PCNX1: variants seen among roughly 807,000 people sequenced by gnomAD.
The protein encoded by PCNX1 is pecanex-like protein 1.
Under a neutral mutation model 242.2 loss-of-function variants are expected in PCNX1, and 78 were observed. The observed-to-expected ratio is 0.32, with a 90% CI of 0.27 to 0.39. The LOEUF (loss-of-function observed/expected upper bound fraction) is 0.39, where lower values mean the gene tolerates loss of function less well. PCNX1 is among the 10% of genes least tolerant of loss of function. The pLI is 1.00. For synonymous variants in PCNX1, 1,024 were observed against 1,032.9 expected (o/e 0.99, Z 0.17); for missense variants, 2,581 against 2,856.5 (o/e 0.90, Z 2.20).
At chr14:71,047,555 G>T (rs1476099833) in intron 21 of PCNX1, among the ~76,000 whole-genome samples, 2 of 152,008 alleles carry the variant, frequency 1.3e-5, no homozygotes, top group African/African-American at 4.8e-5. Context: ...TCAGATGTCA[G>T]AATTACAATA....
At chr14:70,993,972 T>C (rs1281434214) in intron 7 of PCNX1, among the ~76,000 whole-genome samples, 9 of 152,234 alleles carry the variant, frequency 5.9e-5, no homozygotes, top group Non-Finnish European at 1.5e-5. Context: ...TCTACAAATA[T>C]TCCAGTCTGA....
intron 16 of PCNX1, chr14:71,031,659 C>A: frequency 1.4e-6 from 1 of 692,702 alleles, no homozygotes; most frequent in South Asian, 1.5e-5. Context: ...CGTCTCTCAC[C>A]GTCAGTAGGT....
chr14:71,024,299 A>G (rs1033298793), intron 13 of PCNX1, among the ~76,000 whole-genome samples: 25 of 152,214 alleles, frequency 1.6e-4, no homozygotes, highest in Admixed American at 1.6e-3. Flanking sequence ...GTCTTCTAAT[A>G]TATAGATCTT....
At chr14:71,045,481 G>A (rs979028300) in intron 20 of PCNX1, among the ~76,000 whole-genome samples, 198 bp downstream of exon 20, 10 of 152,160 alleles carry the variant, frequency 6.6e-5, no homozygotes, top group African/African-American at 2.4e-4. Flanking sequence ...CAGTGCTACA[G>A]TGCCAGTTTT....
At chr14:71,090,116 TACTG>T (rs2062091738) in intron 30 of PCNX1, among the ~76,000 whole-genome samples, 1 of 152,238 alleles carries the variant, frequency 6.6e-6, no homozygotes, top group Admixed American at 6.5e-5. Context: ...GTGCTGCTGT[TACTG>T]AATGATGAAT....
chr14:71,053,612 C>T (rs2061101580), intron 24 of PCNX1, among the ~76,000 whole-genome samples: 1 of 152,096 alleles, frequency 6.6e-6, no homozygotes, highest in South Asian at 2.1e-4. Flanking sequence ...GCCACTGTGC[C>T]CGGCCTTATG....
intron 28 of PCNX1, among the ~76,000 whole-genome samples, chr14:71,083,318 C>T (rs144253629): frequency 4.1e-4 from 62 of 152,168 alleles, no homozygotes; most frequent in African/African-American, 1.4e-3. Flanking sequence ...GTGAATCTGA[C>T]GATTATGTGT....
chr14:71,006,786 C>A (rs552017553), intron 8 of PCNX1, among the ~76,000 whole-genome samples: 5 of 152,134 alleles, frequency 3.3e-5, no homozygotes, highest in African/African-American at 1.2e-4. Context: ...GATACATTAG[C>A]ACATTAAATT....
At chr14:71,052,513 A>AT (rs955050521) in intron 24 of PCNX1, among the ~76,000 whole-genome samples, 2 of 152,026 alleles carry the variant, frequency 1.3e-5, no homozygotes, top group African/African-American at 4.8e-5. Context: ...GTGCTCAGCC[A>AT]TTTTTTCCTA....
In PCNX1 at chr14:71,108,960, A is replaced by G; in HGVS notation, c.6658A>G (p.Ser2220Gly). Reference sequence around the variant, plus strand: ...TCTTGCGACAGAGGGAGGTCAGAGCAGTGCCACTGATGCACAGCCAGGCAA... The same window carrying G: ...TCTTGCGACAGAGGGAGGTCAGAGCGGTGCCACTGATGCACAGCCAGGCAA... ...GFLATEGGQSSATDAQPGNTL... is the reference protein window; with the variant it reads ...GFLATEGGQSGATDAQPGNTL... Residue 2220 changes from serine (S) to glycine (G), a missense_variant, in exon 34 of 36, where the codon AGT becomes GGT. Around this residue, in one of 9 missense-constraint regions of PCNX1, gnomAD observed 432 missense variants for 433.6 expected, o/e 1.00. Transcript: ENST00000304743. 6.2e-7 allele frequency: 1 copy of G among 1,614,262 alleles called. No homozygotes were observed. Among genetic ancestry groups the G allele is most frequent in the Non-Finnish European group, 8.5e-7 (1 of 1,180,036 alleles).
chr14:70,977,594 G>A lies in PCNX1; in HGVS notation c.1257G>A (p.Glu419=). ...AGAGCATCCTGTCAGAGCATGAGGAGTCTCCTAAAGCAGGAACAAAAAGTG... is the reference window on the plus strand; with the variant it reads ...AGAGCATCCTGTCAGAGCATGAGGAATCTCCTAAAGCAGGAACAAAAAGTG... ...HIESILSEHE[E]SPKAGTKSGR... is the part of the protein sequence containing the mutation. The change falls in exon 6 of 36, where the codon GAG becomes GAA. Residue 419 remains glutamate (E), a synonymous_variant. Transcript: ENST00000304743. 6.2e-7 allele frequency: 1 copy of A among 1,614,192 alleles called. No homozygotes were observed. The highest frequency in any genetic ancestry group is 8.5e-7 in the Non-Finnish European group (1 of 1,180,038).
Position 71,009,620 on chromosome 14 carries a change from C to T in PCNX1, c.2630-14C>T, listed in dbSNP as rs776430292. 2 of 1,441,254 alleles carry T rather than the reference C, an allele frequency of 1.4e-6. No individual in the cohort carries two copies. Among genetic ancestry groups the T allele is most frequent in the Non-Finnish European group, 1.9e-6 (2 of 1,047,804 alleles). 89.3% of individuals were successfully genotyped at this position (1,441,254 alleles called of 1,614,324 possible). ...TATTCTAATGGCTTTTTAAAATAAT[C>T]ATTTATTTGCTAGGTAAGTTCTCTT... On this transcript the variant is annotated splice_polypyrimidine_tract_variant and intron_variant, in intron 8 of 35. Coordinates refer to ENST00000304743, the MANE Select transcript of PCNX1 (RefSeq NM_014982.3).
chr14:70,908,706 G>A (rs775811305), intron 1 of PCNX1, among the ~76,000 whole-genome samples: 1 of 122,756 alleles, frequency 8.1e-6, no homozygotes, highest in African/African-American at 3.3e-5. Flanking sequence ...TGGCCTCCCT[G>A]GGGGGAGGGA....
chr14:71,024,850 A>G (rs61990387), intron 13 of PCNX1, among the ~76,000 whole-genome samples: 44,989 of 152,042 alleles, frequency 0.3, 6,658 homozygotes, highest in Middle Eastern at 0.4. Flanking sequence ...CCAGATATTC[A>G]CATATGTGCA....
At chr14:71,078,553 G>A (rs913297368) in intron 28 of PCNX1, 2 of 152,180 alleles carry the variant, frequency 1.3e-5, no homozygotes, top group Admixed American at 1.3e-4. Context: ...TTCTTGGTGA[G>A]AATTTCTAAT....
Position 71,012,978 on chromosome 14 carries a change from C to G in PCNX1, c.2779-7C>G. On this transcript the variant is annotated splice_region_variant and splice_polypyrimidine_tract_variant and intron_variant, in intron 10 of 35. Coordinates refer to ENST00000304743, the MANE Select transcript of PCNX1 (RefSeq NM_014982.3). ...TTTTAAGCCTTTCAATGCTGACTTT[C>G]TTTTAGCTCTCTCTCCCACAGATTC... 2.5e-6 allele frequency: 4 copies of G among 1,600,038 alleles called. No individual in the cohort carries two copies. The highest frequency in any genetic ancestry group is 3.4e-6 in the Non-Finnish European group (4 of 1,167,262).
intron 6 of PCNX1, among the ~76,000 whole-genome samples, chr14:70,982,986 G>T (rs140344159): frequency 2.0e-5 from 3 of 152,182 alleles, no homozygotes; most frequent in Non-Finnish European, 4.4e-5. Flanking sequence ...ATGTGAAAAT[G>T]CTTTATGTAT....
intron 1 of PCNX1, among the ~76,000 whole-genome samples, chr14:70,920,022 C>G (rs1377378444): frequency 6.6e-6 from 1 of 152,094 alleles, no homozygotes; most frequent in Non-Finnish European, 1.5e-5. Flanking sequence ...AAGCTTGAAT[C>G]ACGTGTCTGG....
chr14:70,949,346 C>T (rs538609761), intron 2 of PCNX1, among the ~76,000 whole-genome samples: 29 of 145,048 alleles, frequency 2.0e-4, no homozygotes, highest in Admixed American at 1.3e-3. Flanking sequence ...CGTGCATACA[C>T]GCACGTGCAT....
Sources: allele counts gnomAD v4.1 joint callset (sites outside exome capture counted in the v4.1 genomes callset), GRCh38; gene constraint gnomAD v4.1.1; regional missense constraint gnomAD v4.1.1; transcripts MANE v1.5; gene names NCBI Gene and HGNC (gene_info 2026-07-23, HGNC 2026-07-21).